The following STK32A variants were observed in gnomAD, a reference collection of about 807,000 sequenced individuals.
The protein encoded by STK32A is serine/threonine-protein kinase 32A.
In STK32A, 41 loss-of-function variants were observed where a neutral mutation model predicts 53.2. The ratio of observed to expected loss-of-function variants is 0.77; its 90% CI spans 0.60 to 1.00. The LOEUF (loss-of-function observed/expected upper bound fraction) is 1.00. Ranked by LOEUF, STK32A falls within the 50% of genes least tolerant of loss-of-function variation. STK32A has a pLI of 0.00. For synonymous variants in STK32A, 166 were observed against 162.8 expected, an observed-to-expected ratio of 1.02 and a Z score of -0.15; for missense variants, 458 against 485.8, an observed-to-expected ratio of 0.94 and a Z score of 0.54.
chr5:147,356,739 A>G (rs10041375), intron 7 of STK32A, among the ~76,000 whole-genome samples: 73,548 of 151,890 alleles, frequency 0.48, 18,948 homozygotes, highest in African/African-American at 0.63. Context: ...ATGCTCATTG[A>G]AGTATTTTGG....
rs76624031 is a variant in STK32A at position 147,288,807 on chromosome 5, G to A, written c.260+9409G>A. 1.4e-3 allele frequency among the ~76,000 whole-genome samples: 220 copies of A among 152,200 alleles called. 1 individual carries two copies. Among genetic ancestry groups the A allele is most frequent in the African/African-American group, 5.0e-3 (209 of 41,540 alleles). ...GGATTACAATTCAACATGAGATTTG[G>A]GTGGGGATAGAGATGCAAACCATAT... On this transcript the variant is annotated intron_variant, in intron 4 of 12. Transcript: ENST00000397936.
chr5:147,322,906 A>G (rs901559301), intron 4 of STK32A, among the ~76,000 whole-genome samples: 7 of 152,106 alleles, frequency 4.6e-5, no homozygotes, highest in African/African-American at 1.7e-4. Flanking sequence ...AGATGCGTGC[A>G]CAGGGTCCTG....
At chr5:147,265,733 A>G (rs1754775600) in intron 2 of STK32A, among the ~76,000 whole-genome samples, 1 of 152,066 alleles carries the variant, frequency 6.6e-6, no homozygotes, top group Non-Finnish European at 1.5e-5. Context: ...TTGACTTGCC[A>G]GCAAAGCCGT....
intron 5 of STK32A, among the ~76,000 whole-genome samples, chr5:147,326,761 C>T (rs915545764): frequency 6.6e-6 from 1 of 152,150 alleles, no homozygotes; most frequent in African/African-American, 2.4e-5. Flanking sequence ...AACCAGGATA[C>T]TCTGAGAGCT....
chr5:147,317,866 T>A (rs530567247), intron 4 of STK32A, among the ~76,000 whole-genome samples: 105 of 152,302 alleles, frequency 6.9e-4, no homozygotes, highest in South Asian at 4.1e-4. Flanking sequence ...CCTAGATAAT[T>A]TATAAAGATT....
intron 8 of STK32A, among the ~76,000 whole-genome samples, chr5:147,367,806 A>G (rs1330522467): frequency 6.6e-6 from 1 of 152,212 alleles, no homozygotes; most frequent in East Asian, 1.9e-4. Context: ...GAGGCCTGAC[A>G]GTTATTGAAT....
chr5:147,383,057 G>A, intron 11 of STK32A: 1 of 228,672 alleles, frequency 4.4e-6, no homozygotes, highest in Non-Finnish European at 8.4e-6. Flanking sequence ...TGTGTGCTCA[G>A]CTCCCTCCCA....
At chr5:147,394,615 G>C in the STK32A span, among the ~76,000 whole-genome samples, 1 of 145,810 alleles carries the variant, frequency 6.9e-6, no homozygotes, top group East Asian at 2.1e-4. Context: ...TTCAATGTGT[G>C]CTTGGGTCTA....
chr5:147,281,218 A>C (rs1752050853), intron 4 of STK32A, among the ~76,000 whole-genome samples: 1 of 152,126 alleles, frequency 6.6e-6, no homozygotes, highest in East Asian at 1.9e-4. Flanking sequence ...CCCAAAAATC[A>C]CACTAGTTCA....
intron 2 of STK32A, among the ~76,000 whole-genome samples, chr5:147,265,929 A>G (rs1042958255): frequency 4.6e-5 from 7 of 152,082 alleles, no homozygotes; most frequent in Admixed American, 4.6e-4. Flanking sequence ...AGTGCTTACA[A>G]TTTGTCCTTT....
chr5:147,281,624 C>T (rs894555292), intron 4 of STK32A, among the ~76,000 whole-genome samples: 4 of 151,404 alleles, frequency 2.6e-5, no homozygotes, highest in South Asian at 2.1e-4. Context: ...AATGACCAAA[C>T]CTAAGAATAA....
chr5:147,342,012 A>G (rs930245382), intron 5 of STK32A, among the ~76,000 whole-genome samples: 2 of 152,168 alleles, frequency 1.3e-5, no homozygotes, highest in Non-Finnish European at 2.9e-5. Context: ...ACACTCCTGA[A>G]TCAAAAAATC....
intron 4 of STK32A, among the ~76,000 whole-genome samples, chr5:147,293,060 T>C (rs59162188): frequency 0.33 from 50,736 of 151,970 alleles, 8,857 homozygotes; most frequent in South Asian, 0.6. Context: ...AGAATCCTTT[T>C]CATGAATTTC....
chr5:147,236,356 C>T (rs1753318486), intron 1 of STK32A, among the ~76,000 whole-genome samples: 1 of 152,078 alleles, frequency 6.6e-6, no homozygotes, highest in South Asian at 2.1e-4. Context: ...TGGTAGCTGT[C>T]CTCTTCACAT....
At chr5:147,302,514 C>A (rs2151966689) in intron 4 of STK32A, among the ~76,000 whole-genome samples, 1 of 152,262 alleles carries the variant, frequency 6.6e-6, no homozygotes, top group South Asian at 2.1e-4. Context: ...TCAAAGTGGT[C>A]TTTTTCTTTT....
At chr5:147,305,585 G>A (rs1437372185) in intron 4 of STK32A, among the ~76,000 whole-genome samples, 1 of 152,108 alleles carries the variant, frequency 6.6e-6, no homozygotes, top group Non-Finnish European at 1.5e-5. Flanking sequence ...ACCAAAGGGA[G>A]TAAAGGGAGA....
intron 4 of STK32A, among the ~76,000 whole-genome samples, chr5:147,309,498 T>C (rs114065214): frequency 7.9e-4 from 121 of 152,312 alleles, no homozygotes; most frequent in African/African-American, 2.7e-3. Context: ...ACTTAATAGA[T>C]CACCAGTTCA....
chr5:147,350,159 G>GC (rs369373615), intron 6 of STK32A, among the ~76,000 whole-genome samples: 667 of 60,032 alleles, frequency 0.011, 7 homozygotes, highest in African/African-American at 0.044. Flanking sequence ...GTTAAACCCC[G>GC]CCCCCCACCC....
At chr5:147,243,806 A>ATTGTT (rs55642419) in intron 2 of STK32A, among the ~76,000 whole-genome samples, 61,471 of 150,600 alleles carry the variant, frequency 0.41, 12,652 homozygotes, top group Admixed American at 0.45. Flanking sequence ...AAATTATACT[A>ATTGTT]TTGTTTTGCA....
Sources: allele counts gnomAD v4.1 joint callset (sites outside exome capture counted in the v4.1 genomes callset), GRCh38; gene constraint gnomAD v4.1.1; transcripts MANE v1.5; gene names NCBI Gene and HGNC (gene_info 2026-07-23, HGNC 2026-07-21).